ROBO2: variants seen among roughly 807,000 people sequenced by gnomAD.
The protein encoded by ROBO2 is roundabout homolog 2.
ROBO2 carries 53 observed loss-of-function variants against 160.8 expected under a neutral mutation model. The observed-to-expected ratio is 0.33, with a 90% CI of 0.26 to 0.41. ROBO2 has a LOEUF of 0.41. ROBO2 is among the 10% of genes least tolerant of loss of function. The pLI is 1.00. For missense variants in ROBO2, 1,577 were observed against 1,722.4 expected, an observed-to-expected ratio of 0.92 and a Z score of 1.49; for synonymous variants, 664 against 611.7, an observed-to-expected ratio of 1.09 and a Z score of -1.26.
chr3:77,317,463 G>T, intron 2 of ROBO2: 1 of 1,527,846 alleles, frequency 6.5e-7, no homozygotes, highest in Non-Finnish European at 8.9e-7. Flanking sequence ...GGTGGTCTCA[G>T]TGTTGGCTGA....
At chr3:77,435,356 A>G (rs553068000) in intron 2 of ROBO2, among the ~76,000 whole-genome samples, 8 of 152,098 alleles carry the variant, frequency 5.3e-5, no homozygotes, top group African/African-American at 4.8e-5. Flanking sequence ...ATTTCATATC[A>G]TATTTTATTA....
intron 2 of ROBO2, among the ~76,000 whole-genome samples, chr3:76,966,344 G>C (rs934980392): frequency 6.6e-6 from 1 of 152,180 alleles, no homozygotes; most frequent in Non-Finnish European, 1.5e-5. Context: ...ACTGTGCTCA[G>C]AGATTTACCT....
chr3:76,800,430 G>A (rs2064110386), intron 2 of ROBO2, among the ~76,000 whole-genome samples: 1 of 152,074 alleles, frequency 6.6e-6, no homozygotes. Flanking sequence ...AAAGTGAAGA[G>A]ACAACCCAGA....
chr3:77,525,144 G>A (rs535664184), intron 6 of ROBO2, among the ~76,000 whole-genome samples: 1 of 150,804 alleles, frequency 6.6e-6, no homozygotes, highest in East Asian at 2.0e-4. Flanking sequence ...TTAGAACAGG[G>A]TCAACTGACC....
intron 2 of ROBO2, among the ~76,000 whole-genome samples, chr3:77,282,519 A>T (rs2060307043): frequency 6.6e-6 from 1 of 151,974 alleles, no homozygotes; most frequent in Admixed American, 6.6e-5. Context: ...ATAGATCTTA[A>T]TGGTAGGGAC....
At chr3:76,843,354 A>G (rs1322907890) in intron 2 of ROBO2, among the ~76,000 whole-genome samples, 4 of 151,924 alleles carry the variant, frequency 2.6e-5, no homozygotes, top group Non-Finnish European at 5.9e-5. Context: ...TCAAAATAGA[A>G]TATTAGTGCA....
chr3:76,274,964 G>A (rs1483374531), intron 2 of ROBO2, among the ~76,000 whole-genome samples: 1 of 151,996 alleles, frequency 6.6e-6, no homozygotes, highest in Admixed American at 6.6e-5. Context: ...AGAGATTTGT[G>A]CCATTGTAAC....
chr3:76,984,300 A>G (rs1342617976), intron 2 of ROBO2, among the ~76,000 whole-genome samples: 1 of 152,172 alleles, frequency 6.6e-6, no homozygotes, highest in Non-Finnish European at 1.5e-5. Flanking sequence ...CTCTCTATTC[A>G]CTAAATTTCT....
intron 2 of ROBO2, among the ~76,000 whole-genome samples, chr3:77,159,415 C>T (rs1000816085): frequency 1.3e-5 from 2 of 152,100 alleles, no homozygotes; most frequent in African/African-American, 4.8e-5. Flanking sequence ...GGTGTTTTAG[C>T]AGGTTCCCTG....
chr3:76,575,783 A>G (rs971431054), intron 2 of ROBO2, among the ~76,000 whole-genome samples: 2 of 152,096 alleles, frequency 1.3e-5, no homozygotes, highest in East Asian at 1.9e-4. Context: ...TGTCAATCAT[A>G]TAACCATCTC....
intron 2 of ROBO2, among the ~76,000 whole-genome samples, chr3:77,011,134 T>A (rs767103655): frequency 7.1e-6 from 1 of 141,432 alleles, no homozygotes; most frequent in Non-Finnish European, 1.5e-5. Flanking sequence ...TTCTTTAATT[T>A]TTCTTTCCCT....
At chr3:77,583,955 G>T (rs80322089) in intron 16 of ROBO2, among the ~76,000 whole-genome samples, 1 of 151,972 alleles carries the variant, frequency 6.6e-6, no homozygotes, top group East Asian at 1.9e-4. Flanking sequence ...CTGGGCTTCC[G>T]GTGAGAAGCC....
At chr3:77,628,754 T>A (rs924143876) in intron 23 of ROBO2, among the ~76,000 whole-genome samples, 2 of 152,166 alleles carry the variant, frequency 1.3e-5, no homozygotes, top group African/African-American at 4.8e-5. Context: ...AGAGAAAATT[T>A]CTTTCTATGT....
intron 2 of ROBO2, among the ~76,000 whole-genome samples, chr3:77,462,586 C>T (rs1461488316): frequency 2.6e-5 from 4 of 152,130 alleles, no homozygotes; most frequent in Non-Finnish European, 5.9e-5. Context: ...GTGTTGAATC[C>T]AGTTGGGAAA....
intron 2 of ROBO2, among the ~76,000 whole-genome samples, chr3:76,703,822 A>G (rs2093098100): frequency 6.6e-6 from 1 of 152,140 alleles, no homozygotes; most frequent in Admixed American, 6.6e-5. Context: ...TGCAGTAAAC[A>G]TATGTGTGCA....
Position 75,982,745 on chromosome 3 carries a change from C to G in ROBO2, c.109+45143C>G, listed in dbSNP as rs1021235192. ...GTTTGGTAACATTTTTGACACTTGA[C>G]TGTGGCAGTTGTCTGCTAGTCACCC... On this transcript the variant is annotated intron_variant, in intron 2 of 26. Transcript: ENST00000487694. Among the ~76,000 whole-genome samples the G allele has an allele frequency of 2.0e-5, 3 of 151,402 alleles. No individual in the cohort carries two copies. The South Asian group carries it at 6.2e-4, about 31-fold the overall frequency.
chr3:77,333,190 G>A (rs771715059), intron 2 of ROBO2, among the ~76,000 whole-genome samples: 62 of 152,096 alleles, frequency 4.1e-4, no homozygotes, highest in Admixed American at 5.2e-4. Flanking sequence ...ATATTCTGGC[G>A]TCAGTAGTTT....
intron 2 of ROBO2, among the ~76,000 whole-genome samples, chr3:76,143,392 A>G (rs964641965): frequency 6.6e-6 from 1 of 152,080 alleles, no homozygotes; most frequent in Non-Finnish European, 1.5e-5. Context: ...CAGTGACATT[A>G]GGAGCAATCA....
chr3:76,656,326 A>C (rs2091522218), intron 2 of ROBO2, among the ~76,000 whole-genome samples: 1 of 152,156 alleles, frequency 6.6e-6, no homozygotes, highest in South Asian at 2.1e-4. Context: ...TTCCCATCAA[A>C]ACATTATTAT....
Sources: allele counts gnomAD v4.1 joint callset (sites outside exome capture counted in the v4.1 genomes callset), GRCh38; gene constraint gnomAD v4.1.1; transcripts MANE v1.5; gene names NCBI Gene and HGNC (gene_info 2026-07-23, HGNC 2026-07-21).